Variants in SOX6 observed in about 807,000 individuals in gnomAD.
SOX6 encodes transcription factor SOX-6.
In SOX6, 11 loss-of-function variants were observed where a neutral mutation model predicts 97.8. That is an observed-to-expected ratio of 0.11 (90% CI 0.07 to 0.19). The LOEUF is 0.19. SOX6 is among the 10% of genes least tolerant of loss of function. SOX6 has a pLI of 1.00. For synonymous variants in SOX6, 360 were observed against 371.4 expected (o/e 0.97, Z 0.35); for missense variants, 810 against 1,039.5 (o/e 0.78, Z 3.04).
At chr11:16,371,424 T>C (rs1023882581) in intron 1 of SOX6, among the ~76,000 whole-genome samples, 6 of 152,090 alleles carry the variant, frequency 3.9e-5, no homozygotes, top group African/African-American at 7.2e-5. Context: ...ATTTTCTCCA[T>C]AGCATTTATC....
intron 3 of SOX6, among the ~76,000 whole-genome samples, chr11:16,282,557 A>AT (rs1385709501): frequency 6.6e-6 from 1 of 151,586 alleles, no homozygotes; most frequent in Non-Finnish European, 1.5e-5. Context: ...ACTTTTTTAA[A>AT]TTTTTAAGCC....
At chr11:16,510,766 C>G (rs1338916826) in intron 4 of SOX6, among the ~76,000 whole-genome samples, 1 of 151,990 alleles carries the variant, frequency 6.6e-6, no homozygotes, top group Non-Finnish European at 1.5e-5. Context: ...TATGTACATC[C>G]TGGAGATTGG....
intron 7 of SOX6, among the ~76,000 whole-genome samples, chr11:16,106,565 T>C (rs1849093523): frequency 6.6e-6 from 1 of 151,896 alleles, no homozygotes; most frequent in African/African-American, 2.4e-5. Context: ...GAAAAAGGTT[T>C]TACCTTACAC....
intron 9 of SOX6, among the ~76,000 whole-genome samples, chr11:16,076,883 A>G (rs1018657968): frequency 4.8e-4 from 72 of 151,322 alleles, no homozygotes; most frequent in African/African-American, 1.7e-3. Context: ...CCTCCTGAGT[A>G]GCTGGGACTA....
At chr11:16,543,493 C>G (rs1411038160) in intron 4 of SOX6, among the ~76,000 whole-genome samples, 2 of 151,824 alleles carry the variant, frequency 1.3e-5, no homozygotes, top group African/African-American at 4.8e-5. Context: ...TCAAAGAACA[C>G]TATCAAGAAA....
intron 4 of SOX6, among the ~76,000 whole-genome samples, chr11:16,514,194 C>G (rs532921244): frequency 4.2e-4 from 55 of 131,124 alleles, no homozygotes; most frequent in African/African-American, 1.6e-3. Flanking sequence ...CCAGCCTGGG[C>G]AACAGCGCAA....
intron 12 of SOX6, among the ~76,000 whole-genome samples, chr11:16,044,102 T>G (rs1383982835): frequency 1.3e-5 from 2 of 152,138 alleles, no homozygotes; most frequent in African/African-American, 4.8e-5. Flanking sequence ...CACTATGCTG[T>G]ACAGGCTTTT....
At chr11:16,136,413 T>C (rs1849966205) in intron 6 of SOX6, among the ~76,000 whole-genome samples, 1 of 151,736 alleles carries the variant, frequency 6.6e-6, no homozygotes, top group African/African-American at 2.4e-5. Flanking sequence ...TGTAACTTTT[T>C]TTTAAGAGAC....
At chr11:16,618,325 T>C (rs1848496776) in intron 3 of SOX6, among the ~76,000 whole-genome samples, 1 of 151,994 alleles carries the variant, frequency 6.6e-6, no homozygotes, top group Non-Finnish European at 1.5e-5. Flanking sequence ...CTTAAGTCTA[T>C]ATTTATCATG....
intron 1 of SOX6, among the ~76,000 whole-genome samples, chr11:16,347,635 C>T (rs1856804664): frequency 6.6e-6 from 1 of 151,974 alleles, no homozygotes; most frequent in African/African-American, 2.4e-5. Context: ...TCTCTGTCAG[C>T]GTGAAACTGG....
At chr11:16,012,320 G>A (rs1413613360) in intron 13 of SOX6, among the ~76,000 whole-genome samples, 2 of 152,028 alleles carry the variant, frequency 1.3e-5, no homozygotes, top group Non-Finnish European at 2.9e-5. Context: ...GATATATCCT[G>A]AAGTCAGCAG....
chr11:16,035,433 G>GC (rs1215470280), intron 12 of SOX6, among the ~76,000 whole-genome samples: 1 of 152,172 alleles, frequency 6.6e-6, no homozygotes, highest in Non-Finnish European at 1.5e-5. Flanking sequence ...TGTGTGAAAT[G>GC]CTTTGCAAAC....
intron 1 of SOX6, among the ~76,000 whole-genome samples, chr11:16,460,747 A>G (rs1859907508): frequency 6.6e-6 from 1 of 152,088 alleles, no homozygotes. Flanking sequence ...AAAGTAACCA[A>G]ACTCCATGTG....
chr11:16,609,783 T>C (rs1361121926), intron 4 of SOX6, among the ~76,000 whole-genome samples: 1 of 152,234 alleles, frequency 6.6e-6, no homozygotes, highest in African/African-American at 2.4e-5. Flanking sequence ...CATATGCTCC[T>C]GGCCCACTAG....
chr11:16,253,745 T>C (rs1853590808), intron 3 of SOX6, among the ~76,000 whole-genome samples: 1 of 151,908 alleles, frequency 6.6e-6, no homozygotes, highest in African/African-American at 2.4e-5. Flanking sequence ...GTATATCATA[T>C]GTATAATGGG....
chr11:16,080,524 T>C (rs955800865), intron 9 of SOX6, among the ~76,000 whole-genome samples: 2 of 151,444 alleles, frequency 1.3e-5, no homozygotes, highest in African/African-American at 4.9e-5. Flanking sequence ...GACTTAATAC[T>C]CATAGGCTCT....
intron 12 of SOX6, among the ~76,000 whole-genome samples, chr11:16,016,900 C>G (rs1854902761): frequency 6.6e-6 from 1 of 152,022 alleles, no homozygotes; most frequent in African/African-American, 2.4e-5. Flanking sequence ...GGAAAAACAA[C>G]TTTCTCTGAA....
In SOX6 at chr11:16,710,546, C is replaced by T. The variant is rs192909566; in HGVS notation, n.429+4284G>A. Among the ~76,000 whole-genome samples, 13 of 152,280 alleles carry T rather than the reference C, an allele frequency of 8.5e-5. No individual in the cohort carries two copies. The East Asian group carries it at 2.3e-3, about 27-fold the overall frequency. The stretch of plus-strand genomic sequence containing the variant: ...TCTTGAAACCCTGAGTTCTCTTGGC[C>T]TCCAAATACTGTATCTCCTGGTTTA... On this transcript the variant is annotated intron_variant and non_coding_transcript_variant, in intron 3 of 5. Transcript: ENST00000524520.
At chr11:16,125,048 AAT>A (rs910102387) in intron 6 of SOX6, among the ~76,000 whole-genome samples, 3 of 152,032 alleles carry the variant, frequency 2.0e-5, no homozygotes, top group African/African-American at 7.2e-5. Context: ...GGTGCCTCCA[AAT>A]ATGTCAAAGA....
Sources: allele counts gnomAD v4.1 joint callset (sites outside exome capture counted in the v4.1 genomes callset), GRCh38; gene constraint gnomAD v4.1.1; transcripts MANE v1.5; gene names NCBI Gene and HGNC (gene_info 2026-07-23, HGNC 2026-07-21).